The following CYP3A43 variants were observed in gnomAD, a reference collection of about 807,000 sequenced individuals.
CYP3A43 encodes the protein cytochrome P450 3A43.
In CYP3A43, 45 loss-of-function variants were observed where a neutral mutation model predicts 58.0. That is an observed-to-expected ratio of 0.78 (90% CI 0.61 to 0.99). CYP3A43 has a LOEUF of 0.99. Among genes scored for constraint, CYP3A43 ranks in the 50% least tolerant of loss-of-function variants. The probability of loss-of-function intolerance (pLI) is 0.00; values close to 1 mark genes in which losing one functional copy is unlikely to be tolerated. For synonymous variants in CYP3A43, 191 were observed against 201.4 expected (o/e 0.95, Z 0.44); for missense variants, 593 against 591.9 (o/e 1.00, Z -0.02).
chr7:99,835,018 G>A (rs750003058), intron 1 of CYP3A43, among the ~76,000 whole-genome samples: 12 of 152,238 alleles, frequency 7.9e-5, no homozygotes, highest in African/African-American at 2.4e-4. Context: ...CTCGGGCACC[G>A]GCTGATCAAA....
At chr7:99,857,581 G>A (rs1477891294) in intron 9 of CYP3A43, among the ~76,000 whole-genome samples, 4 of 152,154 alleles carry the variant, frequency 2.6e-5, no homozygotes, top group Admixed American at 6.5e-5. Flanking sequence ...GGTGGCTCAC[G>A]TCTGTAATCT....
intron 1 of CYP3A43, among the ~76,000 whole-genome samples, chr7:99,831,500 C>G (rs1268383063): frequency 6.6e-6 from 1 of 152,212 alleles, no homozygotes; most frequent in Non-Finnish European, 1.5e-5. Context: ...CCTTATAGGG[C>G]CTACTTTGTG....
In CYP3A43 at chr7:99,860,010, GAGA is replaced by G. The variant is rs1818166838; in HGVS notation, c.1026+23_1026+25del. The stretch of plus-strand genomic sequence containing the variant: ...AATAAGGTAAGGGGATGATCCCCTG[GAGA>G]AGGAGGGAGAAGGTGAAGCCTCAGC... On this transcript the variant is annotated intron_variant, in intron 10 of 12. Coordinates refer to ENST00000354829, the MANE Select transcript of CYP3A43 (RefSeq NM_057095.3). The G allele has an allele frequency of 1.3e-6, 2 of 1,547,898 alleles. No individual in the cohort carries two copies. The highest frequency in any genetic ancestry group is 1.4e-5 in the African/African-American group (1 of 72,692).
intron 3 of CYP3A43, among the ~76,000 whole-genome samples, chr7:99,842,372 A>G (rs942388159): frequency 6.6e-6 from 1 of 152,214 alleles, no homozygotes; most frequent in Non-Finnish European, 1.5e-5. Context: ...TCAATTACTC[A>G]TTCATATTAC....
intron 6 of CYP3A43, among the ~76,000 whole-genome samples, chr7:99,849,319 G>A (rs1307222730): frequency 6.6e-6 from 1 of 152,212 alleles, no homozygotes; most frequent in Non-Finnish European, 1.5e-5. Flanking sequence ...GCTCAGAGGT[G>A]GGTCTAACTC....
chr7:99,844,703 T>C (rs538069989), intron 4 of CYP3A43, among the ~76,000 whole-genome samples: 1 of 152,324 alleles, frequency 6.6e-6, no homozygotes, highest in African/African-American at 2.4e-5. Context: ...TTTTCTTTTA[T>C]AGATTGTGCT....
chr7:99,838,944 C>T (rs1278757027), intron 2 of CYP3A43, 176 bp from the exon 3 acceptor site: 19 of 717,762 alleles, frequency 2.6e-5, no homozygotes, highest in East Asian at 1.1e-4. Context: ...CGCACCATTG[C>T]ACTCCAGCCT....
At chr7:99,849,741 A>G (rs766814032) in intron 7 of CYP3A43, 47 bp downstream of exon 7, 2 of 1,496,304 alleles carry the variant, frequency 1.3e-6, no homozygotes, top group East Asian at 2.3e-5. Flanking sequence ...TCTCTCATCT[A>G]ATTTTTAAAA....
At chr7:99,842,674 T>G (rs1282049089) in intron 3 of CYP3A43, among the ~76,000 whole-genome samples, 3 of 152,202 alleles carry the variant, frequency 2.0e-5, no homozygotes, top group Non-Finnish European at 4.4e-5. Context: ...AAATGAAAAG[T>G]TATGGTTGGA....
intron 4 of CYP3A43, 50 bp from the exon 5 acceptor site, chr7:99,847,438 G>A: frequency 6.3e-7 from 1 of 1,575,030 alleles, no homozygotes; most frequent in East Asian, 2.3e-5. Context: ...TACAACTATG[G>A]AGATCTCTAA....
intron 1 of CYP3A43, among the ~76,000 whole-genome samples, chr7:99,830,087 T>C (rs532899267): frequency 2.6e-5 from 4 of 152,300 alleles, no homozygotes; most frequent in Admixed American, 2.0e-4. Context: ...CTAACTCTTA[T>C]GTTCTCCTGT....
chr7:99,844,002 T>C, intron 3 of CYP3A43, 141 bp from the exon 4 acceptor site: 1 of 626,402 alleles, frequency 1.6e-6, no homozygotes. Context: ...CTAATTGACC[T>C]TGGAGCTGGC....
intron 4 of CYP3A43, among the ~76,000 whole-genome samples, chr7:99,846,439 T>C (rs1050792339): frequency 1.3e-5 from 2 of 152,360 alleles, no homozygotes; most frequent in Non-Finnish European, 2.9e-5. Context: ...TCTTGTGTTC[T>C]ACACCCTTGC....
At chr7:99,856,360 C>G (rs1215660071) in intron 8 of CYP3A43, among the ~76,000 whole-genome samples, 2 of 152,128 alleles carry the variant, frequency 1.3e-5, no homozygotes, top group African/African-American at 4.8e-5. Context: ...TGACACTGAA[C>G]GTTGTATAGA....
chr7:99,832,508 G>A (rs1816885739), intron 1 of CYP3A43, among the ~76,000 whole-genome samples: 1 of 140,554 alleles, frequency 7.1e-6, no homozygotes, highest in Non-Finnish European at 1.5e-5. Context: ...CATGGACACA[G>A]GAAGGGGAAC....
chr7:99,842,307 G>A (rs1226819083), intron 3 of CYP3A43, among the ~76,000 whole-genome samples: 1 of 151,996 alleles, frequency 6.6e-6, no homozygotes, highest in Admixed American at 6.6e-5. Flanking sequence ...CATCTTTTTA[G>A]TTTGCATTTT....
At chr7:99,844,293 T>C in intron 4 of CYP3A43, 51 bp downstream of exon 4, 1 of 1,551,754 alleles carries the variant, frequency 6.4e-7, no homozygotes, top group Non-Finnish European at 8.8e-7. Context: ...CTTAAATGAT[T>C]ATATATTCAT....
intron 8 of CYP3A43, among the ~76,000 whole-genome samples, chr7:99,855,935 T>C (rs1817961004): frequency 6.6e-6 from 1 of 152,220 alleles, no homozygotes; most frequent in South Asian, 2.1e-4. Context: ...TAGGCATGAC[T>C]TTAGTATATT....
chr7:99,866,044 C>G lies in CYP3A43; in HGVS notation c.*43C>G, dbSNP rs144844086. The G allele has an allele frequency of 1.0e-3, 1,299 of 1,277,226 alleles. 2 individuals carry two copies. The highest frequency in any genetic ancestry group is 1.3e-3 in the Non-Finnish European group (1,150 of 899,558). 79.1% of individuals were successfully genotyped at this position (1,277,226 alleles called of 1,614,324 possible). A position where few individuals can be genotyped will look rare whatever the true frequency, so the allele number is the denominator to read the frequency against. On this transcript the variant is annotated 3_prime_UTR_variant, in exon 13 of 13. Transcript: ENST00000354829. ...CACTTTGTTCAAGAAAGCTGTATCC[C>G]AGAACACTAGACACTTCAAATTGTT...
Sources: allele counts gnomAD v4.1 joint callset (sites outside exome capture counted in the v4.1 genomes callset), GRCh38; gene constraint gnomAD v4.1.1; transcripts MANE v1.5; gene names NCBI Gene and HGNC (gene_info 2026-07-23, HGNC 2026-07-21).